Variants in MARK4 observed in about 807,000 individuals in gnomAD.
The protein encoded by MARK4 is microtubule affinity regulating kinase 4.
MARK4 carries 19 observed loss-of-function variants against 81.5 expected under a neutral mutation model. That is an observed-to-expected ratio of 0.23 (90% CI 0.16 to 0.34). MARK4 has a LOEUF of 0.34. Among genes scored for constraint, MARK4 ranks in the 10% least tolerant of loss-of-function variants. The pLI, the probability that MARK4 is intolerant of heterozygous loss-of-function variation, is 1.00. For synonymous variants in MARK4, 436 were observed against 439.0 expected (o/e 0.99, Z 0.08); for missense variants, 772 against 1,058.8 (o/e 0.73, Z 3.76).
rs1270152171 is a variant in MARK4, at chr19:45,297,867, T to C, written c.1790T>C (p.Leu597Pro). ...VQNGPPASPTLAHEAAPLPAG... is the reference protein window; with the variant it reads ...VQNGPPASPTPAHEAAPLPAG... The stretch of plus-strand genomic sequence containing the variant: ...AATGGGCCCCCTGCCTCTCCCACAC[T>C]GGCCCATGAGGCTGCACCCCTGCCC... Residue 597 changes from leucine to proline, a missense_variant, in exon 15 of 17, where the codon CTG becomes CCG. Transcript: ENST00000262891. 1 of 1,526,626 alleles carries C rather than the reference T, an allele frequency of 6.6e-7. No individual in the cohort carries two copies. 94.6% of individuals were successfully genotyped at this position (1,526,626 alleles called of 1,614,324 possible). A position where few individuals can be genotyped will look rare whatever the true frequency, so the allele number is the denominator to read the frequency against.
At position 45,264,790 on chromosome 19, in the gene MARK4, C is replaced by T. The variant is rs558609757; in HGVS notation, c.421+41C>T. 58 of 1,613,770 alleles carry T rather than the reference C, an allele frequency of 3.6e-5. 3 individuals carry two copies. The South Asian group carries it at 5.6e-4, about 16-fold the overall frequency. ...TCTCCGCCCTGCCCCTGTGCCACCT[C>T]CCCCTGCCGCTGCACCTGACCCTGA... On this transcript the variant is annotated intron_variant, in intron 5 of 16. Transcript: ENST00000262891.
chr19:45,287,431 G>T lies in MARK4; in HGVS notation c.1277-16G>T. On this transcript the variant is annotated splice_polypyrimidine_tract_variant and intron_variant, in intron 12 of 16. Coordinates refer to ENST00000262891, the MANE Select transcript of MARK4 (RefSeq NM_001199867.2). ...TCCGTGGTGATGCCAGCTCTAAACG[G>T]TACCCCCTCCCCCAGGTGGCCCATC... 1.4e-6 allele frequency: 2 copies of T among 1,416,796 alleles called. No individual in the cohort carries two copies. The highest frequency in any genetic ancestry group is 2.6e-5 in the East Asian group (1 of 39,122). The allele number at this position is 1,416,796 out of a possible 1,614,324, so 87.8% of individuals were successfully genotyped here. A position where few individuals can be genotyped will look rare whatever the true frequency, so the allele number is the denominator to read the frequency against.
Position 45,294,408 on chromosome 19 carries a change from G to A in MARK4, c.1554G>A (p.Pro518=), listed in dbSNP as rs757071725. 15 of 1,613,936 alleles carry A rather than the reference G, an allele frequency of 9.3e-6. No individual in the cohort carries two copies. Among genetic ancestry groups the A allele is most frequent in the Middle Eastern group, 3.3e-4 (2 of 6,084 alleles). Residue 518 remains proline, a synonymous_variant, in exon 14 of 17, where the codon CCG becomes CCA. Coordinates refer to ENST00000262891, the MANE Select transcript of MARK4 (RefSeq NM_001199867.2). ...ACACCTACGTTTGCACAGAACGCCC[G>A]GGGGCTGAGCGCCCGTCACTGTTGC... ...RRNTYVCTER[P]GAERPSLLPN...
chr19:45,294,677 G>A (rs1053770102), intron 14 of MARK4, among the ~76,000 whole-genome samples: 44 of 152,146 alleles, frequency 2.9e-4, no homozygotes, highest in Admixed American at 2.5e-3. Context: ...CCTGTTCTCC[G>A]CCTACAAGCC....
intron 8 of MARK4, among the ~76,000 whole-genome samples, chr19:45,273,987 C>T (rs34278487): frequency 0.19 from 29,279 of 152,112 alleles, 3,299 homozygotes; most frequent in Non-Finnish European, 0.27. Flanking sequence ...TGGTGGCTCA[C>T]GCCTGTAATC....
In MARK4 at chr19:45,302,397, C is replaced by A; in HGVS notation, c.1946C>A (p.Thr649Lys). 1 of 1,614,138 alleles carries A rather than the reference C, an allele frequency of 6.2e-7. No individual in the cohort carries two copies. The highest frequency in any genetic ancestry group is 2.2e-5 in the East Asian group (1 of 44,878). Residue 649 changes from threonine to lysine, a missense_variant, in exon 17 of 17, where the codon ACG becomes AAG. By Grantham distance (78) the Thr-to-Lys change is moderately conservative. Coordinates refer to ENST00000262891, the MANE Select transcript of MARK4 (RefSeq NM_001199867.2). The surrounding 1 kb of genome is among the most constrained non-coding windows in gnomAD (Gnocchi z 4.9). ...VTSCHLPWDQ[T>K]ETAPRLLRFP... ...AGTTGCCATCTACCTTGGGATCAAACGGAAACCGCCCCCCGGCTGCTCCGA... is the reference window on the plus strand; with the variant it reads ...AGTTGCCATCTACCTTGGGATCAAAAGGAAACCGCCCCCCGGCTGCTCCGA...
At position 45,302,453 on chromosome 19, in the gene MARK4, C is replaced by T. The variant is rs757865152; in HGVS notation, c.2002C>T (p.Arg668Cys). The change falls in exon 17 of 17, where the codon CGC becomes TGC. Residue 668 changes from arginine (R) to cysteine (C), a missense_variant. Arg to Cys is a radical substitution (Grantham distance 180). Transcript: ENST00000262891. The surrounding 1 kb of genome is among the most constrained non-coding windows in gnomAD (Gnocchi z 4.9). ...CTGGAGTGTGAAGCTGACCAGCTCG[C>T]GCCCTCCTGAGGCCCTGATGGCAGC... is the stretch of plus-strand genomic sequence containing the variant. ...FPWSVKLTSS[R>C]PPEALMAALR... is the part of the protein sequence containing the mutation. The T allele has an allele frequency of 1.9e-6, 3 of 1,613,604 alleles. No homozygotes were observed. The highest frequency in any genetic ancestry group is 2.5e-6 in the Non-Finnish European group (3 of 1,179,926).
In MARK4 at chr19:45,302,657, G is replaced by T. The variant is rs2123119826; in HGVS notation, c.2206G>T (p.Ala736Ser). The change falls in exon 17 of 17, where the codon GCC becomes TCC. Residue 736 changes from alanine (A) to serine (S), a missense_variant. Around this residue, in one of 3 missense-constraint regions of MARK4, gnomAD observed 548 missense variants for 624.3 expected, o/e 0.88. Transcript: ENST00000262891. This position sits in a 1 kb window ranked among gnomAD's most constrained non-coding sequence, Gnocchi z 4.9. ...GVLFRRVAGT[A>S]LAFRTLVTRI... ...TCTCTTCCGCCGTGTGGCGGGCACCGCCCTGGCCTTCCGCACCCTCGTCAC... is the reference window on the plus strand; with the variant it reads ...TCTCTTCCGCCGTGTGGCGGGCACCTCCCTGGCCTTCCGCACCCTCGTCAC... 1.3e-6 allele frequency: 2 copies of T among 1,538,484 alleles called. No homozygotes were observed. The highest frequency in any genetic ancestry group is 1.7e-6 in the Non-Finnish European group (2 of 1,148,010).
At chr19:45,298,313 G>A in intron 15 of MARK4, 2 of 1,247,066 alleles carry the variant, frequency 1.6e-6, no homozygotes, top group Non-Finnish European at 2.3e-6. Flanking sequence ...GGGGCTCTGT[G>A]GATGTGAGGG....
intron 15 of MARK4, among the ~76,000 whole-genome samples, chr19:45,299,089 A>T (rs961362048): frequency 4.9e-4 from 59 of 119,950 alleles, no homozygotes; most frequent in South Asian, 4.8e-3. Flanking sequence ...AAAAAAAAAA[A>T]ATTGAACAGG....
intron 10 of MARK4, among the ~76,000 whole-genome samples, chr19:45,279,911 G>T (rs920556970): frequency 2.0e-5 from 3 of 152,162 alleles, no homozygotes; most frequent in Non-Finnish European, 2.9e-5. Flanking sequence ...TGGGTTATCC[G>T]CCTGCCTTAG....
intron 1 of MARK4, among the ~76,000 whole-genome samples, chr19:45,255,615 G>C (rs945860172): frequency 1.3e-4 from 19 of 151,848 alleles, no homozygotes; most frequent in Admixed American, 2.0e-4. Flanking sequence ...TTCAGATCGT[G>C]GGTCCGGGTC....
intron 9 of MARK4, 100 bp downstream of exon 9, chr19:45,278,142 C>T: frequency 6.6e-7 from 1 of 1,512,582 alleles, no homozygotes; most frequent in Non-Finnish European, 8.9e-7. Flanking sequence ...CACACTTTTC[C>T]TCTCCTGTGC....
chr19:45,281,449 C>T (rs1437004592), intron 12 of MARK4, among the ~76,000 whole-genome samples: 2 of 151,016 alleles, frequency 1.3e-5, no homozygotes, highest in Non-Finnish European at 2.9e-5. Flanking sequence ...CAACCTCCAC[C>T]TCTTGGGTTC....
chr19:45,276,277 T>C (rs964593558), intron 8 of MARK4, among the ~76,000 whole-genome samples: 1 of 152,204 alleles, frequency 6.6e-6, no homozygotes, highest in African/African-American at 2.4e-5. Context: ...TCTTCCCACC[T>C]TGGCCTCCCG....
intron 13 of MARK4, among the ~76,000 whole-genome samples, chr19:45,288,870 C>CAAAA (rs1485737241): frequency 1.3e-3 from 144 of 113,964 alleles, no homozygotes; most frequent in African/African-American, 5.1e-3. Context: ...AAAAAAAAGT[C>CAAAA]GTGGGAAGCA....
chr19:45,269,747 G>A (rs1369722081), intron 7 of MARK4, among the ~76,000 whole-genome samples: 3 of 152,166 alleles, frequency 2.0e-5, no homozygotes, highest in Non-Finnish European at 4.4e-5. Flanking sequence ...CATGAGTTGT[G>A]GCCTCCCACA....
At chr19:45,264,030 G>A (rs916521741) in intron 4 of MARK4, among the ~76,000 whole-genome samples, 1 of 152,188 alleles carries the variant, frequency 6.6e-6, no homozygotes, top group African/African-American at 2.4e-5. Context: ...TCTTTAGTGA[G>A]AGAAGCGGAG....
intron 12 of MARK4, among the ~76,000 whole-genome samples, chr19:45,286,129 C>T (rs1324524607): frequency 6.6e-6 from 1 of 152,064 alleles, no homozygotes; most frequent in African/African-American, 2.4e-5. Flanking sequence ...GATCTCTGCT[C>T]ACTGCAACCT....
Sources: allele counts gnomAD v4.1 joint callset (sites outside exome capture counted in the v4.1 genomes callset), GRCh38; gene constraint gnomAD v4.1.1; regional missense constraint gnomAD v4.1.1; non-coding constraint Gnocchi (gnomAD v3.1); transcripts MANE v1.5; gene names NCBI Gene and HGNC (gene_info 2026-07-23, HGNC 2026-07-21).